The following PCDH15 variants were observed in gnomAD, a reference collection of about 807,000 sequenced individuals.
PCDH15 encodes the protein protocadherin-15.
Under a neutral mutation model 178.5 loss-of-function variants are expected in PCDH15, and 129 were observed. The observed-to-expected ratio is 0.72, with a 90% confidence interval of 0.63 to 0.84. PCDH15 has a LOEUF of 0.84. PCDH15 is among the 40% of genes least tolerant of loss of function. The pLI is 0.00. For synonymous variants in PCDH15, 800 were observed against 732.0 expected, an observed-to-expected ratio of 1.09 and a Z score of -1.50; for missense variants, 2,230 against 2,099.9, an observed-to-expected ratio of 1.06 and a Z score of -1.21.
intron 14 of PCDH15, among the ~76,000 whole-genome samples, chr10:54,145,926 G>T (rs2043863718): frequency 6.6e-6 from 1 of 151,888 alleles, no homozygotes; most frequent in African/African-American, 2.4e-5. Context: ...TGTTTCCTCT[G>T]CTGGGATATT....
At chr10:54,662,208 AAACATAT>A (rs1394849713) in intron 2 of PCDH15, among the ~76,000 whole-genome samples, 4 of 151,964 alleles carry the variant, frequency 2.6e-5, no homozygotes, top group African/African-American at 9.7e-5. Context: ...AACAAGAACA[AAACATAT>A]AACTCCATTA....
At chr10:54,442,996 C>A (rs2075923000) in intron 3 of PCDH15, among the ~76,000 whole-genome samples, 1 of 151,634 alleles carries the variant, frequency 6.6e-6, no homozygotes. Context: ...CTCAGCACAA[C>A]AGAGCTCCAG....
In PCDH15 at chr10:54,033,051, C is replaced by T. The variant is rs116873901; in HGVS notation, c.2221-9854G>A. Among the ~76,000 whole-genome samples, 414 of 151,938 alleles carry T rather than the reference C, an allele frequency of 2.7e-3. 9 individuals are homozygous for T. The East Asian group carries it at 0.03, about 11-fold the overall frequency. The stretch of plus-strand genomic sequence containing the variant: ...ACAAGTGGGGATTATAGGTCCCTCC[C>T]TCAACACATGGGGATTACAAATCGA... On this transcript the variant is annotated intron_variant, in intron 18 of 37. Coordinates refer to ENST00000644397, the MANE Select transcript of PCDH15 (RefSeq NM_001384140.1).
At chr10:54,871,020 G>C (rs1385450995) in intron 3 of PCDH15, among the ~76,000 whole-genome samples, 3 of 152,162 alleles carry the variant, frequency 2.0e-5, no homozygotes, top group African/African-American at 7.2e-5. Context: ...TCTAGCTTCT[G>C]AAGTGCTATT....
intron 18 of PCDH15, among the ~76,000 whole-genome samples, chr10:54,056,760 T>C (rs2093897964): frequency 6.6e-6 from 1 of 152,046 alleles, no homozygotes; most frequent in Non-Finnish European, 1.5e-5. Context: ...CAGCATTAAC[T>C]CAACAGTTGA....
chr10:54,978,634 A>C (rs1208858431), intron 2 of PCDH15, among the ~76,000 whole-genome samples: 1 of 152,152 alleles, frequency 6.6e-6, no homozygotes, highest in Non-Finnish European at 1.5e-5. Flanking sequence ...TTTTCCAAGA[A>C]GACTCACTAG....
chr10:55,524,604 C>G (rs1360639461), intron 2 of PCDH15, among the ~76,000 whole-genome samples: 2 of 151,478 alleles, frequency 1.3e-5, no homozygotes, highest in Non-Finnish European at 3.0e-5. Context: ...ATAGATTTCT[C>G]TTGGTGGGTA....
At chr10:55,157,390 A>G (rs1403159731) in intron 2 of PCDH15, among the ~76,000 whole-genome samples, 1 of 148,472 alleles carries the variant, frequency 6.7e-6, no homozygotes, top group South Asian at 2.2e-4. Flanking sequence ...TGTGGAAGAC[A>G]GTGTGGCGAT....
At chr10:54,926,507 A>T (rs1301576344) in intron 2 of PCDH15, among the ~76,000 whole-genome samples, 2 of 152,060 alleles carry the variant, frequency 1.3e-5, no homozygotes, top group East Asian at 3.9e-4. Flanking sequence ...TAAGTTTTGT[A>T]ACAGTTTAGG....
chr10:55,313,240 A>T (rs1351144891), intron 1 of PCDH15, among the ~76,000 whole-genome samples: 1 of 152,156 alleles, frequency 6.6e-6, no homozygotes, highest in Non-Finnish European at 1.5e-5. Context: ...TAGAACCTTA[A>T]AATATTAAAT....
chr10:54,185,229 T>C lies in PCDH15; in HGVS notation c.1345A>G (p.Thr449Ala). ...PELHLFLNDY[T>A]SVFTVTQTGI... The stretch of plus-strand genomic sequence containing the variant: ...GTCTGTGTGACGGTGAAGACTGAGG[T>C]GTAGTCATTCAGAAAAAGGTGAAGC... Residue 449 changes from threonine (T) to alanine (A), a missense_variant, in exon 12 of 38, where the codon ACC (threonine) becomes GCC (alanine). Thr to Ala is a moderately conservative substitution (Grantham distance 58, BLOSUM62 0). Transcript: ENST00000644397. 1.9e-6 allele frequency: 3 copies of C among 1,613,622 alleles called. No individual in the cohort carries two copies. Among genetic ancestry groups the C allele is most frequent in the Non-Finnish European group, 1.7e-6 (2 of 1,179,664 alleles).
chr10:54,924,746 T>A (rs1837575726), intron 2 of PCDH15, among the ~76,000 whole-genome samples: 1 of 152,196 alleles, frequency 6.6e-6, no homozygotes, highest in South Asian at 2.1e-4. Flanking sequence ...TGTGTCTTCT[T>A]TTAAAAAGTG....
rs1185538612 is a variant in PCDH15, at chr10:55,212,864, AT to A, written c.-155-46214del. 3.3e-5 allele frequency among the ~76,000 whole-genome samples: 5 copies of A among 152,094 alleles called. No individual in the cohort carries two copies. In the East Asian group the frequency reaches 5.8e-4, roughly 18 times the overall value. ...CTTTCTATTCAAAATCTATCAAATA[AT>A]TTTTTTCCTAAAATAAATTTTTTTA... On this transcript the variant is annotated intron_variant, in intron 1 of 5. Coordinates refer to the PCDH15 transcript ENST00000458638.
intron 1 of PCDH15, among the ~76,000 whole-genome samples, chr10:55,262,220 G>GAAGA (rs1306954695): frequency 6.8e-6 from 1 of 146,668 alleles, no homozygotes; most frequent in Non-Finnish European, 1.5e-5. Context: ...AAAACAAAAG[G>GAAGA]AAGAAAGAAA....
rs987628614 is a variant in PCDH15, at chr10:54,369,097, A to G, written c.474+23T>C. On this transcript the variant is annotated intron_variant, in intron 5 of 37. Transcript: ENST00000644397. Reference sequence around the variant, plus strand: ...ATACATATATCAACAGAAAGGACAGAGAGAGAGTAAATAGAAACTGACCTC... The same window carrying G: ...ATACATATATCAACAGAAAGGACAGGGAGAGAGTAAATAGAAACTGACCTC... The G allele has an allele frequency of 4.3e-6, 7 of 1,611,796 alleles. No individual in the cohort carries two copies. In the Admixed American group the frequency reaches 1.2e-4, roughly 27 times the overall value.
chr10:55,180,183 A>G (rs1041261759), intron 1 of PCDH15, among the ~76,000 whole-genome samples: 6 of 152,040 alleles, frequency 3.9e-5, no homozygotes, highest in African/African-American at 1.2e-4. Context: ...GAAACCCACA[A>G]GAGAAGTACA....
intron 2 of PCDH15, among the ~76,000 whole-genome samples, chr10:55,611,189 T>C (rs1007032974): frequency 5.5e-4 from 84 of 152,080 alleles, no homozygotes; most frequent in African/African-American, 2.0e-3. Context: ...AGAGCTTCTA[T>C]ACAGCAAAGA....
At chr10:54,356,204 T>C (rs1345323077) in intron 5 of PCDH15, among the ~76,000 whole-genome samples, 11 of 152,074 alleles carry the variant, frequency 7.2e-5, no homozygotes, top group Admixed American at 1.3e-4. Flanking sequence ...TTACATGCTA[T>C]GATAAAAACA....
In PCDH15 at chr10:55,353,828, G is replaced by C. The variant is rs143406585; in HGVS notation, c.-155-187177C>G. 2.7e-3 allele frequency among the ~76,000 whole-genome samples: 403 copies of C among 152,028 alleles called. 3 individuals are homozygous for C. Among genetic ancestry groups the C allele is most frequent in the South Asian group, 7.9e-3 (38 of 4,828 alleles). ...ACGATTGCAGGAGTACTGTCCCGTG[G>C]GTTGTATATTTGATCAATGAAAATG... On this transcript the variant is annotated intron_variant, in intron 2 of 5. Coordinates refer to the PCDH15 transcript ENST00000613346.
Sources: gnomAD v4.1 joint callset for allele counts (sites outside exome capture counted in the v4.1 genomes callset) on GRCh38, gnomAD v4.1.1 for gene constraint, MANE v1.5 for transcripts, NCBI Gene and HGNC (gene_info 2026-07-23, HGNC 2026-07-21) for gene names.